DLG2: variants seen among roughly 807,000 people sequenced by gnomAD.
DLG2 encodes discs large MAGUK scaffold protein 2.
A neutral mutation model predicts 132.5 loss-of-function variants in DLG2; 45 were observed. That is an observed-to-expected ratio of 0.34 (90% CI 0.27 to 0.44). DLG2 has a LOEUF of 0.44. Ranked by LOEUF, DLG2 falls within the 20% of genes least tolerant of loss-of-function variation. The probability of loss-of-function intolerance (pLI) is 1.00; values close to 1 mark genes in which losing one functional copy is unlikely to be tolerated. For synonymous variants in DLG2, 424 were observed against 419.6 expected (o/e 1.01, Z -0.13); for missense variants, 1,045 against 1,196.9 (o/e 0.87, Z 1.87).
intron 19 of DLG2, among the ~76,000 whole-genome samples, chr11:83,615,388 G>T (rs2060650745): frequency 6.6e-6 from 1 of 152,130 alleles, no homozygotes; most frequent in South Asian, 2.1e-4. Context: ...TGACCCAAGG[G>T]TCATAATCGC....
intron 9 of DLG2, among the ~76,000 whole-genome samples, chr11:84,118,647 T>G (rs2093756082): frequency 6.6e-6 from 1 of 152,222 alleles, no homozygotes; most frequent in Admixed American, 6.5e-5. Flanking sequence ...TAGAAGGTAC[T>G]TAACCCGAGT....
intron 6 of DLG2, among the ~76,000 whole-genome samples, chr11:84,712,806 T>A (rs1024732419): frequency 6.6e-6 from 1 of 152,134 alleles, no homozygotes; most frequent in African/African-American, 2.4e-5. Context: ...ATAAAACTTG[T>A]CAGTTTCTCT....
chr11:85,609,989 C>T (rs1396497578), intron 2 of DLG2, among the ~76,000 whole-genome samples: 1 of 152,110 alleles, frequency 6.6e-6, no homozygotes, highest in Non-Finnish European at 1.5e-5. Context: ...TTAGCCAAAG[C>T]TGGAGCTATT....
chr11:85,496,419 C>T (rs1236967225), intron 3 of DLG2, among the ~76,000 whole-genome samples: 2 of 152,186 alleles, frequency 1.3e-5, no homozygotes, highest in Non-Finnish European at 2.9e-5. Context: ...GGCAGGGAAG[C>T]TCAAACTGGG....
intron 14 of DLG2, among the ~76,000 whole-genome samples, chr11:83,931,150 T>C (rs977033431): frequency 6.6e-6 from 1 of 152,222 alleles, no homozygotes; most frequent in Admixed American, 6.5e-5. Context: ...AATGCTAATA[T>C]ATTTAATTAT....
chr11:83,549,923 A>G (rs1362430027), intron 19 of DLG2, among the ~76,000 whole-genome samples: 1 of 152,132 alleles, frequency 6.6e-6, no homozygotes, highest in Non-Finnish European at 1.5e-5. Context: ...TAATTAATAG[A>G]CCAACTGCAT....
chr11:84,443,856 A>G (rs2099024770), intron 7 of DLG2, among the ~76,000 whole-genome samples: 2 of 152,128 alleles, frequency 1.3e-5, no homozygotes, highest in Non-Finnish European at 2.9e-5. Context: ...ATGTTTTGTC[A>G]TACAGAGCCT....
At chr11:84,616,544 T>C (rs2099604731) in intron 6 of DLG2, among the ~76,000 whole-genome samples, 2 of 152,084 alleles carry the variant, frequency 1.3e-5, no homozygotes, top group Admixed American at 6.6e-5. Context: ...TTGAAGCCTC[T>C]CATAAAATCT....
At chr11:83,959,784 A>C (rs1429923957) in intron 14 of DLG2, among the ~76,000 whole-genome samples, 2 of 152,100 alleles carry the variant, frequency 1.3e-5, no homozygotes, top group Non-Finnish European at 2.9e-5. Context: ...TTTTGATTCT[A>C]TTTGATTGCT....
intron 6 of DLG2, among the ~76,000 whole-genome samples, chr11:84,866,085 A>T (rs1194367683): frequency 2.0e-5 from 3 of 152,250 alleles, no homozygotes; most frequent in East Asian, 3.8e-4. Context: ...TCTAAAAACC[A>T]GTTTCCTATA....
chr11:85,569,283 C>T (rs1167181203), intron 3 of DLG2, among the ~76,000 whole-genome samples: 2 of 152,134 alleles, frequency 1.3e-5, no homozygotes, highest in African/African-American at 2.4e-5. Context: ...CTGCCCTACT[C>T]GGCTTCTCAA....
chr11:83,874,517 T>C (rs202183321), intron 15 of DLG2, 29 bp from the exon 16 acceptor site: 55 of 1,530,982 alleles, frequency 3.6e-5, no homozygotes, highest in Admixed American at 7.8e-5. Context: ...GAAACACACA[T>C]CATTTATTTA....
At chr11:85,502,579 T>G (rs2093830194) in intron 3 of DLG2, among the ~76,000 whole-genome samples, 1 of 151,768 alleles carries the variant, frequency 6.6e-6, no homozygotes, top group African/African-American at 2.4e-5. Context: ...ATGTTCTCAC[T>G]TATAAGTTGG....
chr11:84,032,271 C>A (rs2095718894), intron 11 of DLG2, among the ~76,000 whole-genome samples: 2 of 152,160 alleles, frequency 1.3e-5, no homozygotes, highest in African/African-American at 2.4e-5. Context: ...CTATGCCAAA[C>A]AGCCAAGTTG....
At chr11:85,075,499 G>T (rs931003038) in intron 6 of DLG2, among the ~76,000 whole-genome samples, 4 of 151,740 alleles carry the variant, frequency 2.6e-5, no homozygotes, top group African/African-American at 9.7e-5. Context: ...TCCAAATATG[G>T]CCAAATAGAT....
At chr11:84,523,623 GGGTACCACTAA>G (rs2099311193) in intron 7 of DLG2, among the ~76,000 whole-genome samples, 3 of 152,168 alleles carry the variant, frequency 2.0e-5, no homozygotes, top group Non-Finnish European at 4.4e-5. Context: ...TATCATTTTA[GGGTACCACTAA>G]CAATATCATC....
chr11:84,949,249 G>T lies in DLG2; in HGVS notation c.357+162412C>A, dbSNP rs557118505. 1.9e-3 allele frequency among the ~76,000 whole-genome samples: 289 copies of T among 152,248 alleles called. 2 individuals are homozygous for T. The highest frequency in any genetic ancestry group is 6.8e-3 in the African/African-American group (284 of 41,546). ...AAGGGGAGGGAGTGTGCGAATAGGT[G>T]TGGGTGACAGACATCAAGTACTTAA... is the stretch of plus-strand genomic sequence containing the variant. On this transcript the variant is annotated intron_variant, in intron 6 of 27. Transcript: ENST00000376104.
chr11:83,978,317 CG>C (rs1409278482), intron 12 of DLG2, among the ~76,000 whole-genome samples: 1 of 151,846 alleles, frequency 6.6e-6, no homozygotes, highest in Non-Finnish European at 1.5e-5. Flanking sequence ...CATATGGAAC[CG>C]TGAGTCAAAG....
chr11:83,726,080 C>A (rs991444887), intron 18 of DLG2, among the ~76,000 whole-genome samples: 1 of 152,120 alleles, frequency 6.6e-6, no homozygotes, highest in Non-Finnish European at 1.5e-5. Context: ...ACCTGAGATG[C>A]AAAGTCATCT....
Sources: allele counts gnomAD v4.1 joint callset (sites outside exome capture counted in the v4.1 genomes callset), GRCh38; gene constraint gnomAD v4.1.1; transcripts MANE v1.5; gene names NCBI Gene and HGNC (gene_info 2026-07-23, HGNC 2026-07-21).